Variants in SLBP observed in about 807,000 individuals in gnomAD.
The protein encoded by SLBP is histone RNA hairpin-binding protein.
A neutral mutation model predicts 39.2 loss-of-function variants in SLBP; 29 were observed. The ratio of observed to expected loss-of-function variants is 0.74; its 90% CI spans 0.55 to 1.01. SLBP has a LOEUF of 1.01. Ranked by LOEUF, SLBP falls within the 50% of genes least tolerant of loss-of-function variation. The pLI is 0.00. For missense variants in SLBP, 390 were observed against 350.2 expected (o/e 1.11, Z -0.91); for synonymous variants, 129 against 118.7 (o/e 1.09, Z -0.57).
intron 2 of SLBP, among the ~76,000 whole-genome samples, chr4:1,710,089 G>T (rs1716681125): frequency 6.6e-6 from 1 of 151,860 alleles, no homozygotes; most frequent in African/African-American, 2.4e-5. Context: ...ATGTTAGTCA[G>T]GCTGGTGTCG....
In SLBP at chr4:1,700,022, T is replaced by C; in HGVS notation, c.330A>G (p.Ser110=). 1 of 1,597,658 alleles carries C rather than the reference T, an allele frequency of 6.3e-7. No homozygotes were observed. The highest frequency in any genetic ancestry group is 8.6e-7 in the Non-Finnish European group (1 of 1,169,228). ...LINDFGRERK[S]SSGSSDSKES... is the part of the protein sequence containing the mutation. ...TACACAGCCTTTACCTTCCTGATGA[T>C]GATTTTCTCTCTCTTCCAAAGTCAT... Residue 110 remains serine (S), a synonymous_variant, in exon 4 of 8, where the codon TCA becomes TCG. Coordinates refer to ENST00000489418, the MANE Select transcript of SLBP (RefSeq NM_006527.4).
intron 2 of SLBP, among the ~76,000 whole-genome samples, chr4:1,707,722 G>A (rs559953725): frequency 7.3e-5 from 11 of 151,154 alleles, no homozygotes; most frequent in Non-Finnish European, 1.6e-4. Context: ...TGAGGCGGGC[G>A]GATCACAAGA....
chr4:1,699,015 C>T (rs543176866), intron 5 of SLBP, among the ~76,000 whole-genome samples: 170 of 151,186 alleles, frequency 1.1e-3, no homozygotes, highest in African/African-American at 4.1e-3. Context: ...GTCTCCTGGC[C>T]TCAAGCAGTC....
chr4:1,709,068 CTT>C (rs3993283), intron 2 of SLBP, among the ~76,000 whole-genome samples: 30 of 144,916 alleles, frequency 2.1e-4, no homozygotes, highest in Admixed American at 3.5e-4. Flanking sequence ...AGTCTTTTGT[CTT>C]TTTTTTTTTT....
chr4:1,711,954 C>T lies in SLBP; in HGVS notation c.96G>A (p.Lys32=). 2.2e-6 allele frequency: 3 copies of T among 1,334,210 alleles called. No homozygotes were observed. Among genetic ancestry groups the T allele is most frequent in the African/African-American group, 3.1e-5 (2 of 65,210 alleles). 82.6% of individuals were successfully genotyped at this position (1,334,210 alleles called of 1,614,324 possible). ...TCCAGCGCCTGCCGTCGGCTCTGCG[C>T]TTCCGTCCCAGGCTCCATCGCGCGG... The part of the protein sequence containing the change: ...PSPARWSLGR[K]RRADGRRWRP... The change falls in exon 2 of 8, where the codon AAG becomes AAA. Residue 32 remains lysine, a synonymous_variant. Coordinates refer to ENST00000489418, the MANE Select transcript of SLBP (RefSeq NM_006527.4).
intron 2 of SLBP, among the ~76,000 whole-genome samples, chr4:1,709,872 C>CGCT (rs1016997561): frequency 1.8e-4 from 27 of 152,188 alleles, no homozygotes; most frequent in African/African-American, 6.0e-4. Context: ...TTTGCCAAGG[C>CGCT]GCTGGGATTA....
chr4:1,696,094 C>T, intron 6 of SLBP, 108 bp downstream of exon 6: 1 of 936,846 alleles, frequency 1.1e-6, no homozygotes, highest in African/African-American at 1.7e-5. Context: ...TGCTCCCCAA[C>T]AGCTGCTGGG....
At chr4:1,709,949 C>T (rs916673045) in intron 2 of SLBP, among the ~76,000 whole-genome samples, 1 of 151,814 alleles carries the variant, frequency 6.6e-6, no homozygotes, top group Non-Finnish European at 1.5e-5. Context: ...GTGTGGAGAC[C>T]GCAACTCCGG....
At chr4:1,705,473 C>T (rs1164192693) in intron 2 of SLBP, among the ~76,000 whole-genome samples, 3 of 152,222 alleles carry the variant, frequency 2.0e-5, no homozygotes, top group African/African-American at 7.2e-5. Flanking sequence ...ACCAAAATCA[C>T]TAAGACTTTA....
chr4:1,709,681 G>A (rs114805851), intron 2 of SLBP, among the ~76,000 whole-genome samples: 4,351 of 150,218 alleles, frequency 0.029, 210 homozygotes, highest in African/African-American at 0.098. Context: ...GGGCGATCTC[G>A]GCTCATCGCA....
intron 6 of SLBP, among the ~76,000 whole-genome samples, chr4:1,695,457 T>C (rs1004003699): frequency 2.0e-5 from 3 of 152,102 alleles, no homozygotes; most frequent in Admixed American, 6.6e-5. Context: ...GGTATTGCCA[T>C]GATGCAGCAA....
rs932333162 is a variant in SLBP, at chr4:1,712,213, G to A, written c.-25C>T. On this transcript the variant is annotated 5_prime_UTR_variant, in exon 1 of 8. Coordinates refer to ENST00000489418, the MANE Select transcript of SLBP (RefSeq NM_006527.4). ...TGGCAGCACGGGCCGGGCGCGCAGC[G>A]CAGGGCCGAGGCTGAGGCGGCGGCG... 1.2e-5 allele frequency: 15 copies of A among 1,252,866 alleles called. No individual in the cohort carries two copies. Among genetic ancestry groups the A allele is most frequent in the Non-Finnish European group, 1.4e-5 (14 of 995,766 alleles). The allele number at this position is 1,252,866 out of a possible 1,614,324, so 77.6% of individuals were successfully genotyped here.
chr4:1,711,404 C>T (rs922007132), intron 2 of SLBP, among the ~76,000 whole-genome samples: 1 of 152,156 alleles, frequency 6.6e-6, no homozygotes, highest in Non-Finnish European at 1.5e-5. Context: ...CACTGGCACC[C>T]CTGCTTATTT....
chr4:1,699,988 A>T, intron 4 of SLBP, 23 bp downstream of exon 4: 2 of 1,524,422 alleles, frequency 1.3e-6, no homozygotes, highest in Non-Finnish European at 1.8e-6. Flanking sequence ...AAATTAGAAA[A>T]GAAACATTTA....
chr4:1,701,436 C>A (rs1716326583), intron 3 of SLBP, among the ~76,000 whole-genome samples: 1 of 152,140 alleles, frequency 6.6e-6, no homozygotes, highest in South Asian at 2.1e-4. Context: ...TGTGAGCCAC[C>A]ATGCCATGCA....
chr4:1,711,633 C>T (rs1716775789), intron 2 of SLBP, among the ~76,000 whole-genome samples: 1 of 152,254 alleles, frequency 6.6e-6, no homozygotes, highest in South Asian at 2.1e-4. Context: ...CTCGAACTGG[C>T]TAACTCGGGC....
intron 3 of SLBP, among the ~76,000 whole-genome samples, chr4:1,702,470 G>T (rs560016756): frequency 6.6e-6 from 1 of 152,208 alleles, no homozygotes; most frequent in Non-Finnish European, 1.5e-5. Context: ...TCTAGGTATC[G>T]TTCCGCGGCT....
At chr4:1,711,347 G>A (rs1577190313) in intron 2 of SLBP, among the ~76,000 whole-genome samples, 1 of 151,460 alleles carries the variant, frequency 6.6e-6, no homozygotes, top group Non-Finnish European at 1.5e-5. Flanking sequence ...AAAGCCCCTC[G>A]AGAAGTTTTC....
chr4:1,700,474 C>CA (rs147244842), intron 3 of SLBP, among the ~76,000 whole-genome samples: 30,813 of 147,528 alleles, frequency 0.21, 3,402 homozygotes, highest in Non-Finnish European at 0.26. Flanking sequence ...CGCAGTTTTG[C>CA]AAAAAAAAAA....
Sources: gnomAD v4.1 joint callset for allele counts (sites outside exome capture counted in the v4.1 genomes callset) on GRCh38, gnomAD v4.1.1 for gene constraint, MANE v1.5 for transcripts, NCBI Gene and HGNC (gene_info 2026-07-23, HGNC 2026-07-21) for gene names.